The following SETBP1 variants were observed in gnomAD, a reference collection of about 807,000 sequenced individuals.
The protein encoded by SETBP1 is SET binding protein 1.
Under a neutral mutation model 101.0 loss-of-function variants are expected in SETBP1, and 9 were observed. That is an observed-to-expected ratio of 0.09 (90% CI 0.05 to 0.16). The LOEUF is 0.16. Ranked by LOEUF, SETBP1 falls within the 10% of genes least tolerant of loss-of-function variation. The pLI, the probability that SETBP1 is intolerant of heterozygous loss-of-function variation, is 1.00. For missense variants in SETBP1, 1,858 were observed against 2,033.8 expected, an observed-to-expected ratio of 0.91 and a Z score of 1.66; for synonymous variants, 818 against 788.5, an observed-to-expected ratio of 1.04 and a Z score of -0.63.
chr18:44,743,405 A>G lies in SETBP1; in HGVS notation c.486+41573A>G, dbSNP rs1180776686. ...TCAATTTACTATTGTTGGCCAGTAG[A>G]AGCAGTTGAGAATGAACTGAATCGA... On this transcript the variant is annotated intron_variant, in intron 2 of 5. Coordinates refer to ENST00000649279, the MANE Select transcript of SETBP1 (RefSeq NM_015559.3). Among the ~76,000 whole-genome samples the G allele has an allele frequency of 3.3e-5, 5 of 152,208 alleles. No homozygotes were observed. The East Asian group carries it at 7.7e-4, about 23-fold the overall frequency.
intron 3 of SETBP1, among the ~76,000 whole-genome samples, chr18:44,872,905 C>T (rs1246216196): frequency 6.6e-6 from 1 of 152,228 alleles, no homozygotes; most frequent in East Asian, 1.9e-4. Flanking sequence ...ATTTGGTCCT[C>T]ACCTGCTACA....
At chr18:44,859,302 C>G (rs753549353) in intron 2 of SETBP1, among the ~76,000 whole-genome samples, 22 of 152,056 alleles carry the variant, frequency 1.4e-4, no homozygotes, top group Non-Finnish European at 3.2e-4. Flanking sequence ...CTGCATGGGG[C>G]TAATGGAAAG....
intron 2 of SETBP1, among the ~76,000 whole-genome samples, chr18:44,767,279 A>G (rs1165452329): frequency 6.6e-6 from 1 of 152,128 alleles, no homozygotes; most frequent in Non-Finnish European, 1.5e-5. Flanking sequence ...CCTTCTTACT[A>G]GTGTGAGTGT....
At chr18:44,935,941 AT>A in intron 3 of SETBP1, among the ~76,000 whole-genome samples, 1 of 152,314 alleles carries the variant, frequency 6.6e-6, no homozygotes, top group African/African-American at 2.4e-5. Flanking sequence ...TAAGATACCA[AT>A]TCTCAAAGAG....
At chr18:45,010,967 G>C (rs2072825987) in intron 4 of SETBP1, among the ~76,000 whole-genome samples, 1 of 152,148 alleles carries the variant, frequency 6.6e-6, no homozygotes, top group South Asian at 2.1e-4. Flanking sequence ...ATATTGATAG[G>C]ATTACATATG....
At chr18:44,784,032 T>A (rs954369266) in intron 2 of SETBP1, among the ~76,000 whole-genome samples, 1 of 152,222 alleles carries the variant, frequency 6.6e-6, no homozygotes, top group Non-Finnish European at 1.5e-5. Flanking sequence ...GGAAGGTCAC[T>A]GACAGGGACT....
At chr18:44,933,402 G>A (rs1281310876) in intron 3 of SETBP1, among the ~76,000 whole-genome samples, 1 of 152,232 alleles carries the variant, frequency 6.6e-6, no homozygotes, top group African/African-American at 2.4e-5. Flanking sequence ...GGGGGTCAGG[G>A]ACCCACTTGT....
At chr18:45,029,550 A>C (rs2073244900) in intron 4 of SETBP1, among the ~76,000 whole-genome samples, 1 of 152,162 alleles carries the variant, frequency 6.6e-6, no homozygotes, top group South Asian at 2.1e-4. Context: ...TCTGTGAAGA[A>C]AGTCATTGGT....
intron 2 of SETBP1, among the ~76,000 whole-genome samples, chr18:44,726,117 C>G (rs923368473): frequency 6.6e-6 from 1 of 152,146 alleles, no homozygotes; most frequent in East Asian, 1.9e-4. Context: ...TTCCTTTCCA[C>G]CAATTCAGGG....
At chr18:44,775,150 T>C (rs2070970175) in intron 2 of SETBP1, among the ~76,000 whole-genome samples, 3 of 152,210 alleles carry the variant, frequency 2.0e-5, no homozygotes, top group African/African-American at 7.2e-5. Flanking sequence ...TTTCTTTAAA[T>C]TGCTATTGGG....
chr18:44,880,294 G>A (rs1295639629), intron 3 of SETBP1, among the ~76,000 whole-genome samples: 2 of 152,230 alleles, frequency 1.3e-5, no homozygotes, highest in African/African-American at 2.4e-5. Flanking sequence ...GAGCCATCCA[G>A]GCTGCAGAAC....
intron 2 of SETBP1, among the ~76,000 whole-genome samples, chr18:44,808,058 AG>A (rs1198206820): frequency 6.6e-6 from 1 of 152,180 alleles, no homozygotes; most frequent in Non-Finnish European, 1.5e-5. Context: ...TGGAGGTGAA[AG>A]ATATCAAAAC....
At chr18:44,793,457 G>A (rs2071406093) in intron 2 of SETBP1, among the ~76,000 whole-genome samples, 1 of 152,078 alleles carries the variant, frequency 6.6e-6, no homozygotes, top group Admixed American at 6.6e-5. Context: ...CTCAAAGTGT[G>A]GTCTCAGGAC....
At chr18:44,825,339 A>G (rs905036274) in intron 2 of SETBP1, among the ~76,000 whole-genome samples, 1 of 152,260 alleles carries the variant, frequency 6.6e-6, no homozygotes, top group African/African-American at 2.4e-5. Context: ...GCTGGAAGCC[A>G]GAAAGAGAAG....
chr18:44,747,742 A>G (rs2070290414), intron 2 of SETBP1, among the ~76,000 whole-genome samples: 1 of 152,272 alleles, frequency 6.6e-6, no homozygotes, highest in Non-Finnish European at 1.5e-5. Flanking sequence ...AAACATTGGG[A>G]AACAACTGGT....
chr18:44,833,868 A>G (rs990936064), intron 2 of SETBP1, among the ~76,000 whole-genome samples: 2 of 152,244 alleles, frequency 1.3e-5, no homozygotes, highest in Non-Finnish European at 2.9e-5. Flanking sequence ...TGGACAATGT[A>G]TGTTCTTTTG....
intron 5 of SETBP1, among the ~76,000 whole-genome samples, chr18:45,049,793 C>T (rs1459071679): frequency 6.6e-6 from 1 of 152,014 alleles, no homozygotes; most frequent in Non-Finnish European, 1.5e-5. Flanking sequence ...TAATATCTTC[C>T]GTTATTTAAT....
At chr18:45,019,784 GA>G (rs924181043) in intron 4 of SETBP1, among the ~76,000 whole-genome samples, 6 of 151,904 alleles carry the variant, frequency 3.9e-5, no homozygotes, top group African/African-American at 1.5e-4. Context: ...GCCATTTGTT[GA>G]CAAGAATTTT....
chr18:44,721,192 T>G (rs577990520), intron 2 of SETBP1, among the ~76,000 whole-genome samples: 1 of 152,278 alleles, frequency 6.6e-6, no homozygotes, highest in South Asian at 2.1e-4. Context: ...TTGATTTCTT[T>G]TCTTAAGAAT....
Sources: gnomAD v4.1 joint callset for allele counts (sites outside exome capture counted in the v4.1 genomes callset) on GRCh38, gnomAD v4.1.1 for gene constraint, MANE v1.5 for transcripts, NCBI Gene and HGNC (gene_info 2026-07-23, HGNC 2026-07-21) for gene names.